The following TMX2 variants were observed in gnomAD, a reference collection of about 807,000 sequenced individuals.
TMX2 encodes thioredoxin-related transmembrane protein 2.
TMX2 carries 20 observed loss-of-function variants against 33.4 expected under a neutral mutation model. The observed-to-expected ratio is 0.60, with a 90% CI of 0.42 to 0.87. TMX2 has a LOEUF of 0.87. Among genes scored for constraint, TMX2 ranks in the 40% least tolerant of loss-of-function variants. TMX2 has a pLI of 0.00. For synonymous variants in TMX2, 166 were observed against 140.7 expected (o/e 1.18, Z -1.27); for missense variants, 340 against 370.7 (o/e 0.92, Z 0.68).
intron 1 of TMX2, among the ~76,000 whole-genome samples, chr11:57,717,450 C>T (rs1484241218): frequency 2.6e-5 from 4 of 152,028 alleles, no homozygotes; most frequent in South Asian, 2.1e-4. Flanking sequence ...TCTGCAATCC[C>T]GGCACCTCGG....
At chr11:57,721,876 A>G (rs1464830042) in intron 1 of TMX2, among the ~76,000 whole-genome samples, 1 of 152,132 alleles carries the variant, frequency 6.6e-6, no homozygotes, top group Non-Finnish European at 1.5e-5. Context: ...TAGACCTATT[A>G]ATTTGAGACA....
At chr11:57,724,452 G>GT (rs1394962226) in intron 1 of TMX2, among the ~76,000 whole-genome samples, 9 of 152,130 alleles carry the variant, frequency 5.9e-5, no homozygotes, top group African/African-American at 2.2e-4. Flanking sequence ...TAAATTTGGA[G>GT]GTTAAGAGGG....
chr11:57,723,706 G>A (rs1171961053), intron 1 of TMX2, among the ~76,000 whole-genome samples: 1 of 151,330 alleles, frequency 6.6e-6, no homozygotes, highest in Non-Finnish European at 1.5e-5. Flanking sequence ...GGGAGGCTGA[G>A]ATGGGAGAAT....
chr11:57,715,586 C>CTTTTTT (rs367827761), intron 1 of TMX2, among the ~76,000 whole-genome samples: 2 of 130,108 alleles, frequency 1.5e-5, no homozygotes, highest in African/African-American at 5.9e-5. Context: ...AATTTGTTTT[C>CTTTTTT]TTTTTTTTTT....
rs560070423 is a variant in TMX2, at chr11:57,733,046, C to T, written c.190-4562C>T. Among the ~76,000 whole-genome samples, 11 of 152,114 alleles carry T rather than the reference C, an allele frequency of 7.2e-5. No homozygotes were observed. The South Asian group carries it at 1.7e-3, about 23-fold the overall frequency. On this transcript the variant is annotated intron_variant, in intron 1 of 7. Coordinates refer to ENST00000278422, the MANE Select transcript of TMX2 (RefSeq NM_015959.4). ...AACACAATGGTAAGTATTTATGTAT[C>T]TAAATATATCTAAACACAGAAAAGG...
In TMX2 at chr11:57,712,683, C is replaced by T. The variant is rs1946681289; in HGVS notation, c.65C>T (p.Ala22Val). ...GTGCCGCGACTTTCACGATGGCTCGCCCAACCTTACTACCTTCTGTCGGCC... is the reference window on the plus strand; with the variant it reads ...GTGCCGCGACTTTCACGATGGCTCGTCCAACCTTACTACCTTCTGTCGGCC... ...YSVPRLSRWL[A>V]QPYYLLSALL... The change falls in exon 1 of 8, where the codon GCC (alanine) becomes GTC (valine). Residue 22 changes from alanine (A) to valine (V), a missense_variant. By Grantham distance (64) the Ala-to-Val change is moderately conservative. This residue lies in a region of TMX2 where 106 missense variants were observed against 82.7 expected (regional missense o/e 1.28). Coordinates refer to ENST00000278422, the MANE Select transcript of TMX2 (RefSeq NM_015959.4). 1.1e-5 allele frequency: 18 copies of T among 1,614,214 alleles called. No homozygotes were observed. The highest frequency in any genetic ancestry group is 1.4e-5 in the Non-Finnish European group (17 of 1,180,040).
chr11:57,718,808 A>C (rs1947356145), intron 1 of TMX2, among the ~76,000 whole-genome samples: 1 of 150,394 alleles, frequency 6.6e-6, no homozygotes, highest in Non-Finnish European at 1.5e-5. Context: ...GGTGCCTGCC[A>C]CCACGTCTGG....
At chr11:57,738,895 C>T in intron 5 of TMX2, 79 bp from the exon 6 acceptor site, 7 of 1,545,698 alleles carry the variant, frequency 4.5e-6, no homozygotes, top group South Asian at 1.1e-5. Flanking sequence ...ATCTCCCTCT[C>T]CCCTCTTAAA....
intron 1 of TMX2, among the ~76,000 whole-genome samples, chr11:57,724,611 T>TA (rs373663466): frequency 1.8e-3 from 235 of 133,590 alleles, no homozygotes; most frequent in East Asian, 0.012. Context: ...GTCTGGGGAT[T>TA]AAAAAAAAAA....
At chr11:57,729,528 C>A (rs1198704499) in intron 1 of TMX2, among the ~76,000 whole-genome samples, 1 of 152,024 alleles carries the variant, frequency 6.6e-6, no homozygotes, top group Non-Finnish European at 1.5e-5. Flanking sequence ...CAATTGAAAC[C>A]CTTTTAATTT....
chr11:57,733,771 A>T (rs1380264600), intron 1 of TMX2, among the ~76,000 whole-genome samples: 1 of 152,182 alleles, frequency 6.6e-6, no homozygotes, highest in Non-Finnish European at 1.5e-5. Context: ...AAATAGAACA[A>T]CCAAGGGCTC....
chr11:57,725,916 CATT>C (rs1947947455), intron 1 of TMX2, among the ~76,000 whole-genome samples: 1 of 152,072 alleles, frequency 6.6e-6, no homozygotes, highest in Non-Finnish European at 1.5e-5. Context: ...TATTTACTAA[CATT>C]ATAAAGTACC....
At chr11:57,713,737 T>C (rs1261896951) in intron 1 of TMX2, among the ~76,000 whole-genome samples, 3 of 152,186 alleles carry the variant, frequency 2.0e-5, no homozygotes, top group Non-Finnish European at 2.9e-5. Context: ...CCCTCTTTCA[T>C]AGGAATATGG....
intron 1 of TMX2, among the ~76,000 whole-genome samples, chr11:57,734,154 C>A (rs1405911672): frequency 3.0e-5 from 2 of 66,724 alleles, no homozygotes; most frequent in African/African-American, 1.3e-4. Flanking sequence ...GAGACCCTGT[C>A]TCCAAAAAAA....
intron 1 of TMX2, among the ~76,000 whole-genome samples, chr11:57,726,981 T>G (rs1948046990): frequency 6.6e-6 from 1 of 152,222 alleles, no homozygotes; most frequent in Admixed American, 6.5e-5. Context: ...CTGATTGGGT[T>G]GTTTACTGCC....
chr11:57,724,111 A>G (rs1298713319), intron 1 of TMX2, among the ~76,000 whole-genome samples: 2 of 152,130 alleles, frequency 1.3e-5, no homozygotes, highest in Non-Finnish European at 2.9e-5. Context: ...TGCTTTAAGG[A>G]CAAAATTCTT....
intron 1 of TMX2, among the ~76,000 whole-genome samples, chr11:57,730,746 C>CA (rs1432949672): frequency 6.6e-6 from 1 of 152,008 alleles, no homozygotes; most frequent in Non-Finnish European, 1.5e-5. Context: ...CAAAGAAAAA[C>CA]AAAAAACCAA....
Position 57,737,616 on chromosome 11 carries a change from G to A in TMX2, c.198G>A (p.Val66=), listed in dbSNP as rs1471955109. The A allele has an allele frequency of 1.2e-6, 2 of 1,614,040 alleles. No individual in the cohort carries two copies. Among genetic ancestry groups the A allele is most frequent in the Non-Finnish European group, 8.5e-7 (1 of 1,179,874 alleles). Residue 66 remains valine (V), a synonymous_variant, in exon 2 of 8, where the codon GTG becomes GTA. Coordinates refer to ENST00000278422, the MANE Select transcript of TMX2 (RefSeq NM_015959.4). The part of the protein sequence containing the change: ...GNPCDFDWRE[V]EILMFLSAIV... ...CTTCGATTCTGTTCCAGAGAGAAGT[G>A]GAGATCCTGATGTTTCTCAGTGCCA...
intron 1 of TMX2, among the ~76,000 whole-genome samples, chr11:57,734,242 C>T (rs1948604145): frequency 6.8e-6 from 1 of 146,122 alleles, no homozygotes; most frequent in South Asian, 2.3e-4. Context: ...TGGTAAATCA[C>T]TTTCATTCAC....
Sources: gnomAD v4.1 joint callset for allele counts (sites outside exome capture counted in the v4.1 genomes callset) on GRCh38, gnomAD v4.1.1 for gene constraint, gnomAD v4.1.1 regional missense constraint, MANE v1.5 for transcripts, NCBI Gene and HGNC (gene_info 2026-07-23, HGNC 2026-07-21) for gene names.